Variants in ROPN1L observed in about 807,000 individuals in gnomAD.
ROPN1L encodes ropporin-1-like protein.
ROPN1L carries 23 observed loss-of-function variants against 22.7 expected under a neutral mutation model. The observed-to-expected ratio is 1.01, with a 90% CI of 0.73 to 1.43. ROPN1L has a LOEUF of 1.43. ROPN1L is among the 40% of genes most tolerant of loss of function. ROPN1L has a pLI of 0.00. For synonymous variants in ROPN1L, 116 were observed against 117.8 expected (o/e 0.98, Z 0.10); for missense variants, 271 against 291.5 (o/e 0.93, Z 0.51).
At position 10,461,250 on chromosome 5, in the gene ROPN1L, C is replaced by T. The variant is rs750033423; in HGVS notation, c.484C>T (p.Arg162Cys). 29 of 1,614,024 alleles carry T rather than the reference C, an allele frequency of 1.8e-5. No individual in the cohort carries two copies. The highest frequency in any genetic ancestry group is 3.3e-5 in the Admixed American group (2 of 60,004). ...GGACGATCCGGAGGGCGGGCCCGCTCGCATCCCCTTCAAGACGTTTTCCTA... is the reference window on the plus strand; with the variant it reads ...GGACGATCCGGAGGGCGGGCCCGCTTGCATCCCCTTCAAGACGTTTTCCTA... ...LTDDPEGGPA[R>C]IPFKTFSYVY... Residue 162 changes from arginine to cysteine, a missense_variant, in exon 4 of 5, where the codon CGC (arginine) becomes TGC (cysteine). Transcript: ENST00000274134.
downstream of ROPN1L, among the ~76,000 whole-genome samples, chr5:10,476,601 A>G (rs1353690667): frequency 6.6e-6 from 1 of 152,238 alleles, no homozygotes; most frequent in Non-Finnish European, 1.5e-5. Context: ...ATGATAAGTC[A>G]GTTTTAAAGA....
At position 10,448,294 on chromosome 5, in the gene ROPN1L, C is replaced by A. The variant is rs1479532813; in HGVS notation, c.166C>A (p.Pro56Thr). The change falls in exon 2 of 5, where the codon CCT becomes ACT. Residue 56 changes from proline (P) to threonine (T), a missense_variant. Physicochemically the swap from Pro to Thr is conservative, Grantham distance 38. Coordinates refer to ENST00000274134, the MANE Select transcript of ROPN1L (RefSeq NM_031916.5). ...AGCTCTGTCGAGAGGAGATCCACTT[C>A]CTGTAAAGGACAGAATGGAAATGCC... Reference protein sequence around the residue: ...FSALSRGDPLPVKDRMEMPTA... With the variant: ...FSALSRGDPLTVKDRMEMPTA... The A allele has an allele frequency of 1.2e-6, 2 of 1,614,014 alleles. No individual in the cohort carries two copies. The highest frequency in any genetic ancestry group is 1.7e-6 in the Non-Finnish European group (2 of 1,179,988).
At chr5:10,466,149 CCAGGCCAGGGCT>C (rs1322546935), downstream of ROPN1L, among the ~76,000 whole-genome samples, 1 of 152,220 alleles carries the variant, frequency 6.6e-6, no homozygotes, top group African/African-American at 2.4e-5. Context: ...AGGTTAGCTT[CCAGGCCAGGGCT>C]CAGGCCCTGG....
intron 4 of ROPN1L, chr5:10,471,663 A>G (rs1262510275): frequency 6.6e-6 from 1 of 152,654 alleles, no homozygotes; most frequent in African/African-American, 2.4e-5. Flanking sequence ...GCGGGGATCC[A>G]CAGAGATGGC....
In ROPN1L at chr5:10,461,336, C is replaced by T. The variant is rs1195701514; in HGVS notation, c.570C>T (p.Tyr190=). The change falls in exon 4 of 5, where the codon TAC becomes TAT. Residue 190 remains tyrosine (Y), a synonymous_variant. Coordinates refer to ENST00000274134, the MANE Select transcript of ROPN1L (RefSeq NM_031916.5). ...TGTCTCCCTTGGAGACGGAATCCTA[C>T]CTTGCCTCTCTAAAGGAAAATATGT... ...SDVSPLETES[Y]LASLKENIDA... is the part of the protein sequence containing the mutation. 1 of 1,613,848 alleles carries T rather than the reference C, an allele frequency of 6.2e-7. No homozygotes were observed. The highest frequency in any genetic ancestry group is 1.3e-5 in the African/African-American group (1 of 74,930).
In ROPN1L at chr5:10,444,365, A is replaced by C. The variant is rs371075479; in HGVS notation, c.131+2067A>C. On this transcript the variant is annotated intron_variant, in intron 1 of 4. Coordinates refer to ENST00000274134, the MANE Select transcript of ROPN1L (RefSeq NM_031916.5). ...GAGTGCAATGGCGAGATCTCGGCTC[A>C]CGGCAACCTCTGCCTCCCGGGTTCA... 1.1e-4 allele frequency among the ~76,000 whole-genome samples: 17 copies of C among 152,060 alleles called. No homozygotes were observed. In the East Asian group the frequency reaches 1.4e-3, roughly 12 times the overall value.
At chr5:10,481,018 C>T in the ROPN1L span, among the ~76,000 whole-genome samples, 2 of 152,104 alleles carry the variant, frequency 1.3e-5, no homozygotes, top group Non-Finnish European at 2.9e-5. Flanking sequence ...ATGAAACCCA[C>T]CGCAGTAGCA....
the ROPN1L span, chr5:10,478,020 G>A: frequency 1.3e-5 from 2 of 152,276 alleles, no homozygotes; most frequent in African/African-American, 4.8e-5. Context: ...AGGCACACTC[G>A]TTGCTGCCCC....
chr5:10,475,297 G>T (rs924503712), downstream of ROPN1L, among the ~76,000 whole-genome samples: 5 of 152,206 alleles, frequency 3.3e-5, no homozygotes, highest in Non-Finnish European at 5.9e-5. Flanking sequence ...AGTCCTTGGG[G>T]TAATGGCTGT....
At chr5:10,448,591 A>G (rs1364171491) in intron 2 of ROPN1L, among the ~76,000 whole-genome samples, 2 of 152,216 alleles carry the variant, frequency 1.3e-5, no homozygotes, top group African/African-American at 2.4e-5. Context: ...TCTAGCTTCA[A>G]CAGCCCCAAG....
At chr5:10,447,564 G>C (rs1741109953) in intron 1 of ROPN1L, among the ~76,000 whole-genome samples, 1 of 152,168 alleles carries the variant, frequency 6.6e-6, no homozygotes, top group Admixed American at 6.5e-5. Context: ...AAAGCAGCAA[G>C]ACCAAACCCA....
downstream of ROPN1L, among the ~76,000 whole-genome samples, chr5:10,467,928 G>A (rs1735182060): frequency 6.6e-6 from 1 of 152,220 alleles, no homozygotes; most frequent in African/African-American, 2.4e-5. Context: ...CGTGGACTCT[G>A]GGTCTGGAGC....
At chr5:10,467,571 A>G (rs1217546848), downstream of ROPN1L, among the ~76,000 whole-genome samples, 1 of 152,212 alleles carries the variant, frequency 6.6e-6, no homozygotes. Flanking sequence ...AAAGTTGCAG[A>G]CAGGGAATCG....
intron 1 of ROPN1L, among the ~76,000 whole-genome samples, chr5:10,444,697 G>A (rs1740998469): frequency 6.8e-6 from 1 of 147,258 alleles, no homozygotes; most frequent in South Asian, 2.4e-4. Context: ...TCAGGAGTTC[G>A]AGACCAACCT....
At position 10,442,288 on chromosome 5, in the gene ROPN1L, T is replaced by C. The variant is rs1029984514; in HGVS notation, c.121T>C (p.Trp41Arg). 1.9e-6 allele frequency: 3 copies of C among 1,613,350 alleles called. No homozygotes were observed. The highest frequency in any genetic ancestry group is 2.5e-6 in the Non-Finnish European group (3 of 1,179,814). The change falls in exon 1 of 5, where the codon TGG (tryptophan) becomes CGG (arginine). Residue 41 changes from tryptophan to arginine, a missense_variant. Coordinates refer to ENST00000274134, the MANE Select transcript of ROPN1L (RefSeq NM_031916.5). The part of the protein sequence containing the change: ...IRTQPADVLR[W>R]SAGYFSALSR... ...CACCCAGCCGGCCGACGTGCTGCGG[T>C]GGTCCGCGGGGTAAGCGCCCTTGGC...
intron 2 of ROPN1L, among the ~76,000 whole-genome samples, chr5:10,449,678 G>A (rs1561169578): frequency 2.0e-5 from 3 of 152,028 alleles, no homozygotes; most frequent in South Asian, 2.1e-4. Flanking sequence ...GTGGAGTATC[G>A]TATACTCAAT....
intron 3 of ROPN1L, among the ~76,000 whole-genome samples, chr5:10,459,560 C>T (rs549807975): frequency 2.6e-5 from 4 of 152,246 alleles, no homozygotes; most frequent in South Asian, 2.1e-4. Flanking sequence ...ACCTCATTTC[C>T]CGCATCCCTG....
At chr5:10,447,710 C>T (rs1741114788) in intron 1 of ROPN1L, among the ~76,000 whole-genome samples, 1 of 152,120 alleles carries the variant, frequency 6.6e-6, no homozygotes, top group Non-Finnish European at 1.5e-5. Flanking sequence ...GACCACATCT[C>T]TGTAAGAAAT....
chr5:10,472,885 C>G (rs921518880), downstream of ROPN1L, among the ~76,000 whole-genome samples: 1 of 152,218 alleles, frequency 6.6e-6, no homozygotes, highest in Admixed American at 6.5e-5. Flanking sequence ...ACACAGTGGT[C>G]CTGCTTGCCC....
Sources: gnomAD v4.1 joint callset for allele counts (sites outside exome capture counted in the v4.1 genomes callset) on GRCh38, gnomAD v4.1.1 for gene constraint, MANE v1.5 for transcripts, NCBI Gene and HGNC (gene_info 2026-07-23, HGNC 2026-07-21) for gene names.